Variants in GJB7 observed in about 807,000 individuals in gnomAD.
GJB7 encodes gap junction beta-7 protein.
For missense variants in GJB7, 253 were observed against 256.8 expected, an observed-to-expected ratio of 0.99 and a Z score of 0.10; for synonymous variants, 87 against 95.2, an observed-to-expected ratio of 0.91 and a Z score of 0.50.
At chr6:87,304,695 T>C (rs1385987972) in intron 2 of GJB7, among the ~76,000 whole-genome samples, 2 of 152,192 alleles carry the variant, frequency 1.3e-5, no homozygotes, top group African/African-American at 2.4e-5. Flanking sequence ...CCCATCCTGA[T>C]ACCAAAGCCT....
chr6:87,283,313 A>G lies in GJB7; in HGVS notation c.*928T>C, dbSNP rs748264801. The G allele has an allele frequency of 6.6e-6, 1 of 152,230 alleles. No individual in the cohort carries two copies. The highest frequency in any genetic ancestry group is 1.5e-5 in the Non-Finnish European group (1 of 68,046). 9.4% of individuals were successfully genotyped at this position (152,230 alleles called of 1,614,324 possible). The stretch of plus-strand genomic sequence containing the variant: ...GTTCTTTTGGTTAAATAGAAGTCTT[A>G]AGTAATTATCAAGTGGGCACATTCT... On this transcript the variant is annotated 3_prime_UTR_variant, in exon 3 of 3. Coordinates refer to ENST00000525899, the MANE Select transcript of GJB7 (RefSeq NM_198568.3).
At chr6:87,304,052 A>T (rs551914052) in intron 2 of GJB7, among the ~76,000 whole-genome samples, 1 of 152,348 alleles carries the variant, frequency 6.6e-6, no homozygotes, top group South Asian at 2.1e-4. Context: ...TTATAGCACT[A>T]AATGCCCACA....
chr6:87,307,052 T>C (rs1776439270), intron 2 of GJB7, among the ~76,000 whole-genome samples: 1 of 151,924 alleles, frequency 6.6e-6, no homozygotes, highest in South Asian at 2.1e-4. Flanking sequence ...GAGGGATAGC[T>C]TTAGGAGACA....
At chr6:87,317,451 C>T (rs372886384) in intron 2 of GJB7, among the ~76,000 whole-genome samples, 16 of 138,836 alleles carry the variant, frequency 1.2e-4, no homozygotes, top group African/African-American at 2.7e-4. Flanking sequence ...TTTTTTGAGA[C>T]GGAGTTTCGC....
intron 2 of GJB7, among the ~76,000 whole-genome samples, chr6:87,298,451 G>T (rs1390509097): frequency 6.6e-6 from 1 of 152,310 alleles, no homozygotes; most frequent in Non-Finnish European, 1.5e-5. Context: ...GTTTGCCAAC[G>T]TAAAGAAGTC....
intron 2 of GJB7, among the ~76,000 whole-genome samples, chr6:87,317,675 C>T (rs2127910186): frequency 6.6e-6 from 1 of 152,258 alleles, no homozygotes; most frequent in Non-Finnish European, 1.5e-5. Context: ...AGGTGATCTG[C>T]CCGCCTCAGC....
At chr6:87,309,664 T>C (rs1428264074) in intron 2 of GJB7, among the ~76,000 whole-genome samples, 1 of 152,138 alleles carries the variant, frequency 6.6e-6, no homozygotes, top group African/African-American at 2.4e-5. Flanking sequence ...TGAGATGTAT[T>C]GATCAGAGAA....
intron 2 of GJB7, among the ~76,000 whole-genome samples, chr6:87,289,350 T>C (rs9353473): frequency 6.6e-6 from 1 of 151,986 alleles, no homozygotes; most frequent in African/African-American, 2.4e-5. Context: ...ACAGACCACA[T>C]GTTCTTTAAG....
chr6:87,287,472 T>C (rs1471869841), intron 2 of GJB7, among the ~76,000 whole-genome samples: 1 of 152,148 alleles, frequency 6.6e-6, no homozygotes, highest in Non-Finnish European at 1.5e-5. Flanking sequence ...CTAAGAGGTA[T>C]TTTCAGGGAA....
In GJB7 at chr6:87,286,175, T is replaced by C. The variant is rs188927768; in HGVS notation, c.-27-1236A>G. Among the ~76,000 whole-genome samples the C allele has an allele frequency of 2.5e-3, 384 of 152,230 alleles. 2 individuals are homozygous for C. Among genetic ancestry groups the C allele is most frequent in the African/African-American group, 8.9e-3 (370 of 41,530 alleles). ...ACTTCTGCTTTCACCTTCCTGACTCTCCCTAAACCTACACAGCTCCCTGCC... is the reference window on the plus strand; with the variant it reads ...ACTTCTGCTTTCACCTTCCTGACTCCCCCTAAACCTACACAGCTCCCTGCC... On this transcript the variant is annotated intron_variant, in intron 2 of 2. Transcript: ENST00000525899.
At chr6:87,310,139 G>A (rs1001654979) in intron 2 of GJB7, among the ~76,000 whole-genome samples, 5 of 152,056 alleles carry the variant, frequency 3.3e-5, no homozygotes, top group Non-Finnish European at 7.4e-5. Flanking sequence ...TAACTCACAC[G>A]ATACACAAAA....
At chr6:87,328,127 A>C (rs879153892) in intron 1 of GJB7, among the ~76,000 whole-genome samples, 1 of 152,080 alleles carries the variant, frequency 6.6e-6, no homozygotes, top group African/African-American at 2.4e-5. Flanking sequence ...AGCACTTCTC[A>C]GTATTGGTTA....
chr6:87,315,783 A>T (rs2127909322), intron 2 of GJB7, among the ~76,000 whole-genome samples: 1 of 146,608 alleles, frequency 6.8e-6, no homozygotes, highest in South Asian at 2.2e-4. Context: ...GCAGCAGAGT[A>T]AGACTCTATC....
intron 2 of GJB7, among the ~76,000 whole-genome samples, chr6:87,302,310 A>G (rs1466363006): frequency 1.3e-5 from 2 of 152,250 alleles, no homozygotes; most frequent in Non-Finnish European, 2.9e-5. Context: ...TAACTAGAAT[A>G]ACCAGTGTAG....
chr6:87,305,554 G>A (rs1183739759), intron 2 of GJB7, among the ~76,000 whole-genome samples: 11 of 152,006 alleles, frequency 7.2e-5, no homozygotes, highest in South Asian at 2.1e-4. Flanking sequence ...AGAACATCCC[G>A]TGCTCATGGA....
chr6:87,313,150 T>C (rs186966297), intron 2 of GJB7, among the ~76,000 whole-genome samples: 3 of 152,338 alleles, frequency 2.0e-5, no homozygotes, highest in Admixed American at 2.0e-4. Flanking sequence ...CCTGCCTGTG[T>C]GTCATCTATT....
At chr6:87,319,023 C>T (rs1288956523) in intron 2 of GJB7, among the ~76,000 whole-genome samples, 1 of 152,180 alleles carries the variant, frequency 6.6e-6, no homozygotes, top group Non-Finnish European at 1.5e-5. Flanking sequence ...CCCAGACCAC[C>T]AGTGTTGTTC....
Position 87,283,533 on chromosome 6 carries a change from A to G in GJB7, c.*708T>C, listed in dbSNP as rs1378138862. The G allele has an allele frequency of 2.0e-5, 3 of 152,236 alleles. No homozygotes were observed. Among genetic ancestry groups the G allele is most frequent in the African/African-American group, 4.8e-5 (2 of 41,428 alleles). The allele number at this position is 152,236 out of a possible 1,614,324, so 9.4% of individuals were successfully genotyped here. ...CTCTCCTCTAATCCACTTATATCCA[A>G]GGATCCCTGAATCGGCAAGAGGCCT... On this transcript the variant is annotated 3_prime_UTR_variant, in exon 3 of 3. Transcript: ENST00000525899.
At chr6:87,321,807 G>A (rs1414471903) in intron 2 of GJB7, among the ~76,000 whole-genome samples, 1 of 152,178 alleles carries the variant, frequency 6.6e-6, no homozygotes, top group African/African-American at 2.4e-5. Context: ...AATCATGGTG[G>A]AAGAGGAAAC....
Sources: gnomAD v4.1 joint callset for allele counts (sites outside exome capture counted in the v4.1 genomes callset) on GRCh38, gnomAD v4.1.1 for gene constraint, MANE v1.5 for transcripts, NCBI Gene and HGNC (gene_info 2026-07-23, HGNC 2026-07-21) for gene names.